The following DIP2C variants were observed in gnomAD, a reference collection of about 807,000 sequenced individuals.
DIP2C encodes DIP2 acetate--CoA ligase C (putative).
DIP2C carries 33 observed loss-of-function variants against 192.4 expected under a neutral mutation model. The ratio of observed to expected loss-of-function variants is 0.17; its 90% CI spans 0.13 to 0.23. The LOEUF is 0.23. Among genes scored for constraint, DIP2C ranks in the 10% least tolerant of loss-of-function variants. DIP2C has a pLI of 1.00. For synonymous variants in DIP2C, 979 were observed against 864.1 expected, an observed-to-expected ratio of 1.13 and a Z score of -2.33; for missense variants, 1,537 against 2,110.1, an observed-to-expected ratio of 0.73 and a Z score of 5.32.
chr10:319,115 G>C (rs2132378665), intron 31 of DIP2C, among the ~76,000 whole-genome samples: 1 of 152,202 alleles, frequency 6.6e-6, no homozygotes, highest in African/African-American at 2.4e-5. Flanking sequence ...GTCTTACTAT[G>C]TTGGGCAAGC....
At chr10:347,289 G>A (rs1349305066) in intron 26 of DIP2C, among the ~76,000 whole-genome samples, 1 of 110,314 alleles carries the variant, frequency 9.1e-6, no homozygotes, top group Non-Finnish European at 1.8e-5. Context: ...TAGTTCTCCC[G>A]GGAACCCCAC....
chr10:409,073 T>C (rs1965008919), intron 8 of DIP2C, 56 bp from the exon 9 acceptor site: 4 of 1,576,046 alleles, frequency 2.5e-6, no homozygotes, highest in East Asian at 2.2e-5. Context: ...AGAGCACAGC[T>C]TCTGCAAGTC....
At chr10:556,958 G>A (rs1416500637) in intron 1 of DIP2C, among the ~76,000 whole-genome samples, 1 of 152,122 alleles carries the variant, frequency 6.6e-6, no homozygotes, top group Non-Finnish European at 1.5e-5. Context: ...GCCAGATTCT[G>A]CCATTTTCCT....
At chr10:524,491 C>G (rs537944941) in intron 1 of DIP2C, among the ~76,000 whole-genome samples, 2 of 152,072 alleles carry the variant, frequency 1.3e-5, no homozygotes, top group South Asian at 4.2e-4. Flanking sequence ...TTTTATATAC[C>G]TTACATATAT....
intron 1 of DIP2C, among the ~76,000 whole-genome samples, chr10:579,416 G>T (rs11253259): frequency 6.6e-6 from 1 of 151,580 alleles, no homozygotes; most frequent in East Asian, 2.0e-4. Flanking sequence ...TCCATATAGC[G>T]TATGTACATA....
chr10:364,501 C>T lies in DIP2C; in HGVS notation c.2350G>A (p.Gly784Arg), dbSNP rs1037243274. 3.1e-6 allele frequency: 5 copies of T among 1,614,126 alleles called. No individual in the cohort carries two copies. The highest frequency in any genetic ancestry group is 4.2e-6 in the Non-Finnish European group (5 of 1,180,030). Residue 784 changes from glycine to arginine, a missense_variant, in exon 20 of 37, where the codon GGA (glycine) becomes AGA (arginine). Around this residue, in one of 4 missense-constraint regions of DIP2C, gnomAD observed 677 missense variants for 989.9 expected, o/e 0.68. Coordinates refer to ENST00000280886, the MANE Select transcript of DIP2C (RefSeq NM_014974.3). ...RTGLLGFVGPGGLVFVVGKMD... is the reference protein window; with the variant it reads ...RTGLLGFVGPRGLVFVVGKMD... ...TTGCCCACCACGAAGACGAGGCCTC[C>T]GGGACCCACGAACCCCAGCAAGCCT...
chr10:281,303 C>G lies in DIP2C; in HGVS notation c.4315G>C (p.Val1439Leu). 6.2e-7 allele frequency: 1 copy of G among 1,613,474 alleles called. No homozygotes were observed. ...ANGERHDALY[V>L]VGALDEAMEL... is the part of the protein sequence containing the mutation. ...ATGGCTTCGTCCAGTGCCCCTACCA[C>G]GTAGAGGGCATCATGGCGCTCTGTG... Residue 1439 changes from valine (V) to leucine (L), a missense_variant, in exon 36 of 37, where the codon GTG (valine) becomes CTG (leucine). By Grantham distance (32) the Val-to-Leu change is conservative (BLOSUM62 1). Coordinates refer to ENST00000280886, the MANE Select transcript of DIP2C (RefSeq NM_014974.3).
At chr10:507,407 A>G (rs1044562247) in intron 1 of DIP2C, among the ~76,000 whole-genome samples, 3 of 150,668 alleles carry the variant, frequency 2.0e-5, no homozygotes, top group Non-Finnish European at 4.4e-5. Context: ...GCTGTGCCCA[A>G]TCAGAAGCTT....
chr10:449,187 C>CA (rs1368659447), intron 3 of DIP2C, among the ~76,000 whole-genome samples: 24 of 152,104 alleles, frequency 1.6e-4, no homozygotes, highest in Admixed American at 1.4e-3. Context: ...TACTCAGGAT[C>CA]ACATACAGTG....
intron 1 of DIP2C, among the ~76,000 whole-genome samples, chr10:645,817 T>C (rs926288375): frequency 6.6e-6 from 1 of 152,158 alleles, no homozygotes; most frequent in African/African-American, 2.4e-5. Context: ...GTCACTTCTG[T>C]AATGTAATAA....
chr10:366,946 TACATACCCCCCA>T (rs1357919501), intron 18 of DIP2C, among the ~76,000 whole-genome samples: 3 of 152,148 alleles, frequency 2.0e-5, no homozygotes, highest in Non-Finnish European at 4.4e-5. Context: ...AACAACATCC[TACATACCCCCCA>T]ACTGCAATCC....
intron 1 of DIP2C, among the ~76,000 whole-genome samples, chr10:607,241 C>CT (rs1421659229): frequency 6.6e-6 from 1 of 152,244 alleles, no homozygotes; most frequent in Non-Finnish European, 1.5e-5. Flanking sequence ...TGACCTGCCT[C>CT]TTTTAAGGCA....
intron 18 of DIP2C, 27 bp from the exon 19 acceptor site, chr10:366,438 A>C (rs778687476): frequency 6.2e-7 from 1 of 1,613,838 alleles, no homozygotes; most frequent in East Asian, 2.2e-5. Context: ...AAGCACATGC[A>C]GTGTGAGAGG....
chr10:625,098 C>T (rs761593964), intron 1 of DIP2C, among the ~76,000 whole-genome samples: 13 of 152,202 alleles, frequency 8.5e-5, no homozygotes, highest in South Asian at 2.1e-4. Flanking sequence ...CTGATATTAA[C>T]GATGACAATC....
chr10:654,149 G>A (rs1044957466), intron 1 of DIP2C, among the ~76,000 whole-genome samples: 4 of 152,204 alleles, frequency 2.6e-5, no homozygotes, highest in Non-Finnish European at 4.4e-5. Flanking sequence ...TTGGCAGCAC[G>A]CAGGGAGGTG....
intron 1 of DIP2C, among the ~76,000 whole-genome samples, chr10:576,599 G>A (rs1239487154): frequency 6.6e-6 from 1 of 152,158 alleles, no homozygotes; most frequent in Non-Finnish European, 1.5e-5. Flanking sequence ...CATTGAGACT[G>A]AATAACCAAT....
chr10:493,515 C>G (rs1014448208), intron 1 of DIP2C, among the ~76,000 whole-genome samples: 5 of 152,060 alleles, frequency 3.3e-5, no homozygotes, highest in Admixed American at 2.0e-4. Context: ...AGCTGGACAT[C>G]GAGAAGCTGA....
rs185368177 is a variant in DIP2C, at chr10:404,365, C to T, written c.1149+4561G>A. Among the ~76,000 whole-genome samples the T allele has an allele frequency of 3.9e-5, 6 of 152,180 alleles. No individual in the cohort carries two copies. The South Asian group carries it at 1.2e-3, about 32-fold the overall frequency. On this transcript the variant is annotated intron_variant, in intron 9 of 36. Transcript: ENST00000280886. Reference sequence around the variant, plus strand: ...CTAGGACTATAGGCATGCACCACCACACTCAGCCAATTTTTTTCTATTTTT... The same window carrying T: ...CTAGGACTATAGGCATGCACCACCATACTCAGCCAATTTTTTTCTATTTTT...
At chr10:505,169 C>T (rs920420573) in intron 1 of DIP2C, among the ~76,000 whole-genome samples, 1 of 152,142 alleles carries the variant, frequency 6.6e-6, no homozygotes, top group African/African-American at 2.4e-5. Flanking sequence ...AGTCATGTTC[C>T]GAGGAGCAAT....
Sources: gnomAD v4.1 joint callset for allele counts (sites outside exome capture counted in the v4.1 genomes callset) on GRCh38, gnomAD v4.1.1 for gene constraint, gnomAD v4.1.1 regional missense constraint, MANE v1.5 for transcripts, NCBI Gene and HGNC (gene_info 2026-07-23, HGNC 2026-07-21) for gene names.